TCF20: variants seen among roughly 807,000 people sequenced by gnomAD.
TCF20 encodes the protein SPRE-binding protein.
A neutral mutation model predicts 148.6 loss-of-function variants in TCF20; 3 were observed. The observed-to-expected ratio is 0.02, with a 90% CI of 0.01 to 0.05. TCF20 has a LOEUF of 0.05. Among genes scored for constraint, TCF20 ranks in the 10% least tolerant of loss-of-function variants. TCF20 has a pLI of 1.00. For synonymous variants in TCF20, 1,049 were observed against 909.5 expected, an observed-to-expected ratio of 1.15 and a Z score of -2.76; for missense variants, 2,350 against 2,429.3, an observed-to-expected ratio of 0.97 and a Z score of 0.69.
chr22:42,171,071 G>A (rs977103330), intron 3 of TCF20, among the ~76,000 whole-genome samples: 1 of 152,206 alleles, frequency 6.6e-6, no homozygotes, highest in African/African-American at 2.4e-5. Context: ...CTTGTAACAT[G>A]ATGACAGCAT....
upstream of TCF20, among the ~76,000 whole-genome samples, chr22:42,271,152 G>A (rs986056910): frequency 3.3e-5 from 5 of 152,182 alleles, no homozygotes; most frequent in African/African-American, 9.6e-5. Flanking sequence ...CCTCTGGGCC[G>A]GGGGCAGCCC....
At chr22:42,335,756 C>A (rs1928055263) in intron 1 of TCF20, among the ~76,000 whole-genome samples, 1 of 152,162 alleles carries the variant, frequency 6.6e-6, no homozygotes, top group African/African-American at 2.4e-5. Flanking sequence ...GGACGTGAGA[C>A]TAGGGAGCCA....
Position 42,338,806 on chromosome 22 carries a change from A to G in TCF20, c.-37+4673T>C, listed in dbSNP as rs1601712089. ...AAAGTCCAGATGACAGTTTATTTCA[A>G]CACATCTCGTATTAAATTGGGCTGG... On this transcript the variant is annotated intron_variant, in intron 1 of 1. Coordinates refer to the TCF20 transcript ENST00000515426. This position sits in a 1 kb window ranked among gnomAD's most constrained non-coding sequence, Gnocchi z 4.0. Among the ~76,000 whole-genome samples the G allele has an allele frequency of 6.6e-6, 1 of 152,336 alleles. No individual in the cohort carries two copies. Among genetic ancestry groups the G allele is most frequent in the East Asian group, 1.9e-4 (1 of 5,182 alleles).
chr22:42,225,591 G>A (rs961484327), intron 1 of TCF20, among the ~76,000 whole-genome samples: 13 of 147,726 alleles, frequency 8.8e-5, no homozygotes, highest in South Asian at 4.3e-4. Flanking sequence ...TCCGCAGTCC[G>A]GCCTGGGCGA....
intron 2 of TCF20, among the ~76,000 whole-genome samples, 166 bp downstream of exon 2, chr22:42,209,485 T>C (rs959181337): frequency 1.3e-5 from 2 of 152,210 alleles, no homozygotes; most frequent in South Asian, 2.1e-4. Context: ...ATTTTAGAAG[T>C]CTATACAAAT....
At chr22:42,315,846 G>C (rs1056856073) in intron 1 of TCF20, among the ~76,000 whole-genome samples, 3 of 152,180 alleles carry the variant, frequency 2.0e-5, no homozygotes, top group Non-Finnish European at 4.4e-5. Flanking sequence ...GGGCGTGGTG[G>C]CTCACGCCTG....
upstream of TCF20, among the ~76,000 whole-genome samples, chr22:42,284,527 G>A (rs1039301426): frequency 2.6e-5 from 4 of 152,242 alleles, no homozygotes; most frequent in Non-Finnish European, 5.9e-5. Flanking sequence ...AAGGTGAGCT[G>A]GGATGTGAGG....
Position 42,290,213 on chromosome 22 carries a change from C to T in TCF20, c.-37+53266G>A, listed in dbSNP as rs1042811060. On this transcript the variant is annotated intron_variant, in intron 1 of 1. Coordinates refer to the TCF20 transcript ENST00000515426. The surrounding 1 kb of genome is among the most constrained non-coding windows in gnomAD (Gnocchi z 4.2). The stretch of plus-strand genomic sequence containing the variant: ...CCAGAGCCTGCAGCAGGGCCTGCCC[C>T]CTTCATCCTGTCTCTTCTCCCAGTC... Among the ~76,000 whole-genome samples the T allele has an allele frequency of 6.6e-6, 1 of 152,110 alleles. No homozygotes were observed. The highest frequency in any genetic ancestry group is 1.9e-4 in the East Asian group (1 of 5,184).
chr22:42,169,848 T>C lies in TCF20; in HGVS notation c.5798A>G (p.Lys1933Arg). 6.2e-7 allele frequency: 1 copy of C among 1,613,554 alleles called. No homozygotes were observed. The highest frequency in any genetic ancestry group is 1.3e-5 in the African/African-American group (1 of 75,006). The change falls in exon 4 of 6, where the codon AAG becomes AGG. Residue 1933 changes from lysine (K) to arginine (R), a missense_variant and splice_region_variant. By Grantham distance (26) the Lys-to-Arg change is conservative (BLOSUM62 2). Coordinates refer to ENST00000677622, the MANE Select transcript of TCF20 (RefSeq NM_001378418.1). ...ENFSVRCPKH[K>R]PPLPCPLPPL... ...TAGCTCTTGGGGCCTCTGACTCACC[T>C]TGTGCTTAGGGCACCTCACCGAGAA... is the stretch of plus-strand genomic sequence containing the variant.
At chr22:42,336,711 T>C (rs1381484796) in intron 1 of TCF20, among the ~76,000 whole-genome samples, 1 of 152,058 alleles carries the variant, frequency 6.6e-6, no homozygotes, top group Non-Finnish European at 1.5e-5. Context: ...TGGCCTCCTT[T>C]CTGCCCCACA....
At chr22:42,169,502 C>T (rs1601513477) in intron 4 of TCF20, among the ~76,000 whole-genome samples, 1 of 152,256 alleles carries the variant, frequency 6.6e-6, no homozygotes, top group African/African-American at 2.4e-5. Flanking sequence ...CCAGACTTAC[C>T]AAACGCCAAC....
rs1028808937 is a variant in TCF20, at chr22:42,214,192, G to C, written c.1114C>G (p.Pro372Ala). Reference sequence around the variant, plus strand: ...GGAGACTGAACCACAGAGGCAGCTGGAGAAGGGTTAGAAATGGGGCTGAAG... The same window carrying C: ...GGAGACTGAACCACAGAGGCAGCTGCAGAAGGGTTAGAAATGGGGCTGAAG... ...QNFSPISNPS[P>A]AASVVQSPSC... The change falls in exon 2 of 6, where the codon CCA (proline) becomes GCA (alanine). Residue 372 changes from proline (P) to alanine (A), a missense_variant. This residue lies in a region of TCF20 where 1,641 missense variants were observed against 1,662.6 expected (regional missense o/e 0.99). Transcript: ENST00000677622. 1 of 1,614,206 alleles carries C rather than the reference G, an allele frequency of 6.2e-7. No homozygotes were observed. The highest frequency in any genetic ancestry group is 2.2e-5 in the East Asian group (1 of 44,882).
chr22:42,180,665 T>C (rs1379848498), intron 2 of TCF20, among the ~76,000 whole-genome samples: 1 of 152,096 alleles, frequency 6.6e-6, no homozygotes, highest in East Asian at 1.9e-4. Flanking sequence ...CCGACACAGA[T>C]ACTGATGGAA....
rs1474591561 is a variant in TCF20, at chr22:42,246,973, T to G, written c.-37+23366A>C. The stretch of plus-strand genomic sequence containing the variant: ...AGAGCAAGACTCTGTCTCAAAAAAT[T>G]AAAAAAAAAAAAAAAAGGAAAAAAG... On this transcript the variant is annotated intron_variant, in intron 1 of 5. Coordinates refer to ENST00000677622, the MANE Select transcript of TCF20 (RefSeq NM_001378418.1). Among the ~76,000 whole-genome samples, 4 of 59,916 alleles carry G rather than the reference T, an allele frequency of 6.7e-5. No homozygotes were observed. In the South Asian group the frequency reaches 1.8e-3, roughly 27 times the overall value. 39.3% of individuals were successfully genotyped at this position (59,916 alleles called of 152,430 possible).
At chr22:42,327,728 G>A (rs1927900023) in intron 1 of TCF20, among the ~76,000 whole-genome samples, 1 of 151,360 alleles carries the variant, frequency 6.6e-6, no homozygotes, top group Non-Finnish European at 1.5e-5. Context: ...TCTAGGCCTG[G>A]GGCTCTAAGG....
intron 1 of TCF20, among the ~76,000 whole-genome samples, chr22:42,331,844 T>C (rs1410141130): frequency 1.3e-5 from 2 of 152,214 alleles, no homozygotes. Context: ...GTTCCTTCAT[T>C]TGACAACTGG....
At chr22:42,230,226 G>A (rs1464350285) in intron 1 of TCF20, among the ~76,000 whole-genome samples, 1 of 152,224 alleles carries the variant, frequency 6.6e-6, no homozygotes, top group East Asian at 1.9e-4. Flanking sequence ...CAATGACCAC[G>A]TACACAATGG....
At chr22:42,234,420 G>T (rs1238824316) in intron 1 of TCF20, among the ~76,000 whole-genome samples, 1 of 152,128 alleles carries the variant, frequency 6.6e-6, no homozygotes, top group East Asian at 1.9e-4. Context: ...CAGTTTATGG[G>T]GTCCTCTCCA....
chr22:42,191,190 G>A (rs1322997721), intron 2 of TCF20, among the ~76,000 whole-genome samples: 1 of 152,178 alleles, frequency 6.6e-6, no homozygotes, highest in African/African-American at 2.4e-5. Context: ...TTGTTATAAT[G>A]TTAATATGAA....
Sources: gnomAD v4.1 joint callset for allele counts (sites outside exome capture counted in the v4.1 genomes callset) on GRCh38, gnomAD v4.1.1 for gene constraint, gnomAD v4.1.1 regional missense constraint, Gnocchi (gnomAD v3.1) non-coding constraint, MANE v1.5 for transcripts, NCBI Gene and HGNC (gene_info 2026-07-23, HGNC 2026-07-21) for gene names.